Variants in DCTD observed in about 807,000 individuals in gnomAD.
DCTD encodes the protein deoxycytidylate deaminase.
Under a neutral mutation model 21.0 loss-of-function variants are expected in DCTD, and 23 were observed. The observed-to-expected ratio is 1.09, with a 90% CI of 0.79 to 1.55. The LOEUF is 1.55. Ranked by LOEUF, DCTD falls within the 40% of genes most tolerant of loss-of-function variation. The pLI, the probability that DCTD is intolerant of heterozygous loss-of-function variation, is 0.00. For missense variants in DCTD, 224 were observed against 230.0 expected (o/e 0.97, Z 0.17); for synonymous variants, 71 against 81.1 (o/e 0.88, Z 0.67).
intron 3 of DCTD, among the ~76,000 whole-genome samples, chr4:182,908,682 C>CAAAAAAAAAAAAA (rs34915632): frequency 1.6e-5 from 1 of 63,736 alleles, no homozygotes; most frequent in Non-Finnish European, 2.9e-5. Flanking sequence ...GACTCTGTCT[C>CAAAAAAAAAAAAA]AAAAAAAAAA....
Position 182,893,074 on chromosome 4 carries a change from T to C in DCTD, c.415A>G (p.Thr139Ala). The C allele has an allele frequency of 6.2e-7, 1 of 1,613,092 alleles. No homozygotes were observed. The highest frequency in any genetic ancestry group is 8.5e-7 in the Non-Finnish European group (1 of 1,179,488). ...SDKYHDSDEA[T>A]AARLLFNMAG... ...ATATTAAACAGGAGCCTCGCAGCAG[T>C]TGCCTCGTCACTATCATGGTATTTA... The change falls in exon 5 of 6, where the codon ACT (threonine) becomes GCT (alanine). Residue 139 changes from threonine to alanine, a missense_variant. Physicochemically the swap from Thr to Ala is moderately conservative, Grantham distance 58. Transcript: ENST00000438320.
At position 182,891,431 on chromosome 4, in the gene DCTD, T is replaced by C. The variant is rs1484370761; in HGVS notation, c.505A>G (p.Ile169Val). 9.9e-6 allele frequency: 16 copies of C among 1,612,640 alleles called. No homozygotes were observed. Among genetic ancestry groups the C allele is most frequent in the East Asian group, 8.9e-5 (4 of 44,876 alleles). Residue 169 changes from isoleucine to valine, a missense_variant, in exon 6 of 6, where the codon ATT (isoleucine) becomes GTT (valine). Ile to Val is a conservative substitution (Grantham distance 29, BLOSUM62 3). Transcript: ENST00000438320. ...CSKIVIDFDS[I>V]NSRPSQKLQ ...AGCTTTTGACTCGGTCTGCTGTTAA[T>C]TGAATCAAAGTCAATGACAATCTTG...
intron 3 of DCTD, among the ~76,000 whole-genome samples, chr4:182,899,459 G>A (rs1209195619): frequency 2.0e-5 from 3 of 149,240 alleles, no homozygotes; most frequent in Non-Finnish European, 3.0e-5. Flanking sequence ...GTGCAATGAC[G>A]TGATCTCGGC....
Position 182,894,539 on chromosome 4 carries a change from T to TAC in DCTD, c.309_310dup (p.Tyr104CysfsTer20), listed in dbSNP as rs774430426. On this transcript the variant is annotated frameshift_variant, in exon 4 of 6. Coordinates refer to ENST00000438320, the MANE Select transcript of DCTD (RefSeq NM_001921.3). LOFTEE classifies it high-confidence loss of function. The stretch of plus-strand genomic sequence containing the variant: ...TTCATTACAAGGGAACAAGGCAACA[T>TAC]ACATACTACAGCCTTTCACATCGGT... 1.4e-5 allele frequency: 23 copies of TAC among 1,614,000 alleles called. No individual in the cohort carries two copies. Among genetic ancestry groups the TAC allele is most frequent in the Non-Finnish European group, 1.8e-5 (21 of 1,179,948 alleles).
intron 3 of DCTD, among the ~76,000 whole-genome samples, chr4:182,912,872 G>A (rs560682380): frequency 1.8e-4 from 27 of 152,228 alleles, no homozygotes; most frequent in African/African-American, 5.8e-4. Flanking sequence ...GGACCCCTCC[G>A]CACTGTCCAA....
chr4:182,897,121 T>C (rs967490217), intron 3 of DCTD, among the ~76,000 whole-genome samples: 1 of 152,174 alleles, frequency 6.6e-6, no homozygotes, highest in Non-Finnish European at 1.5e-5. Flanking sequence ...TTTAACAGTA[T>C]AGGTCTGGAT....
rs768481481 is a variant in DCTD, at chr4:182,915,075, C to T, written c.109-17G>A. On this transcript the variant is annotated splice_polypyrimidine_tract_variant and intron_variant, in intron 2 of 5. Transcript: ENST00000438320. The stretch of plus-strand genomic sequence containing the variant: ...GGCGCCGACCTAGAAGGAAACATGC[C>T]CAAAGGCTTGGTGCCTGCAACTGGC... 5.0e-6 allele frequency: 8 copies of T among 1,614,154 alleles called. No homozygotes were observed. In the South Asian group the frequency reaches 8.8e-5, roughly 18 times the overall value.
chr4:182,904,440 T>C (rs1425747163), intron 3 of DCTD, among the ~76,000 whole-genome samples: 1 of 152,222 alleles, frequency 6.6e-6, no homozygotes, highest in Non-Finnish European at 1.5e-5. Flanking sequence ...AGTACTGTGA[T>C]GGAGCTTAAA....
chr4:182,909,522 T>G (rs1200637516), intron 3 of DCTD, among the ~76,000 whole-genome samples: 1 of 152,220 alleles, frequency 6.6e-6, no homozygotes, highest in Non-Finnish European at 1.5e-5. Flanking sequence ...GGCAGGAAGC[T>G]TTAAGTGAAA....
intron 3 of DCTD, among the ~76,000 whole-genome samples, chr4:182,902,578 C>G (rs1561329457): frequency 6.6e-6 from 1 of 152,252 alleles, no homozygotes; most frequent in Non-Finnish European, 1.5e-5. Flanking sequence ...CCTGCTCAGA[C>G]AGAGCCCTGT....
Position 182,917,064 on chromosome 4 carries a change from C to G in DCTD, c.-8+247G>C. 2.0e-6 allele frequency: 2 copies of G among 986,862 alleles called. No individual in the cohort carries two copies. The highest frequency in any genetic ancestry group is 2.4e-6 in the Non-Finnish European group (2 of 831,006). The allele number at this position is 986,862 out of a possible 1,614,324, so 61.1% of individuals were successfully genotyped here. A position where few individuals can be genotyped will look rare whatever the true frequency, so the allele number is the denominator to read the frequency against. On this transcript the variant is annotated intron_variant, in intron 1 of 5. Transcript: ENST00000438320. This position sits in a 1 kb window ranked among gnomAD's most constrained non-coding sequence, Gnocchi z 4.9. ...ACCTCCCGGGGCACTCCAAGGGGCC[C>G]GGCCTCGCACAGGCCGCGGCGCCCG...
chr4:182,899,802 C>T (rs1229875832), intron 3 of DCTD, among the ~76,000 whole-genome samples: 3 of 152,178 alleles, frequency 2.0e-5, no homozygotes, highest in Admixed American at 6.5e-5. Flanking sequence ...CCATCTTCTC[C>T]CCAGGCCTTT....
chr4:182,894,459 AT>A, intron 4 of DCTD, 29 bp downstream of exon 4: 1 of 1,360,496 alleles, frequency 7.4e-7, no homozygotes, highest in Non-Finnish European at 1.1e-6. Context: ...AGCAATGCAA[AT>A]GTGACAAATG....
intron 3 of DCTD, among the ~76,000 whole-genome samples, chr4:182,908,050 T>A (rs545338807): frequency 4.5e-4 from 68 of 151,340 alleles, no homozygotes; most frequent in African/African-American, 1.6e-3. Flanking sequence ...AAAAAAAAAG[T>A]CTTCAGGAAG....
chr4:182,903,499 G>A (rs777167524), intron 3 of DCTD, among the ~76,000 whole-genome samples: 74 of 152,304 alleles, frequency 4.9e-4, no homozygotes, highest in Admixed American at 1.4e-3. Flanking sequence ...GAAACCCGCC[G>A]CATGCGTGGA....
chr4:182,916,888 T>C, intron 1 of DCTD: 1 of 1,011,258 alleles, frequency 9.9e-7, no homozygotes, highest in Non-Finnish European at 1.2e-6. Context: ...GGAGCTCGAA[T>C]ACAACGATTC....
chr4:182,892,936 G>A (rs78562699), intron 5 of DCTD, 95 bp downstream of exon 5: 14,240 of 739,150 alleles, frequency 0.019, 208 homozygotes, highest in Non-Finnish European at 0.027. Flanking sequence ...TCCAAGTGTG[G>A]AAGTCAGGCA....
chr4:182,906,070 C>T (rs1736662709), intron 3 of DCTD, among the ~76,000 whole-genome samples: 1 of 152,102 alleles, frequency 6.6e-6, no homozygotes, highest in African/African-American at 2.4e-5. Flanking sequence ...GCATCGTACA[C>T]CACGTCACCT....
chr4:182,911,308 TATC>T (rs1203208547), intron 3 of DCTD: 1 of 152,116 alleles, frequency 6.6e-6, no homozygotes, highest in Non-Finnish European at 1.5e-5. Context: ...CACCTCCAAA[TATC>T]AGCACATTGG....
Sources: allele counts gnomAD v4.1 joint callset (sites outside exome capture counted in the v4.1 genomes callset), GRCh38; gene constraint gnomAD v4.1.1; non-coding constraint Gnocchi (gnomAD v3.1); transcripts MANE v1.5; gene names NCBI Gene and HGNC (gene_info 2026-07-23, HGNC 2026-07-21).